ZNF420: variants seen among roughly 807,000 people sequenced by gnomAD.
ZNF420 encodes the protein zinc finger protein 420.
Under a neutral mutation model 44.7 loss-of-function variants are expected in ZNF420, and 31 were observed. The ratio of observed to expected loss-of-function variants is 0.69; its 90% CI spans 0.52 to 0.94. ZNF420 has a LOEUF of 0.94. Among genes scored for constraint, ZNF420 ranks in the 40% least tolerant of loss-of-function variants. The pLI is 0.00. For synonymous variants in ZNF420, 245 were observed against 267.4 expected, an observed-to-expected ratio of 0.92 and a Z score of 0.82; for missense variants, 681 against 827.9, an observed-to-expected ratio of 0.82 and a Z score of 2.18.
chr19:37,024,666 T>G lies in ZNF420; in HGVS notation c.-125+16584T>G, dbSNP rs540884814. On this transcript the variant is annotated intron_variant, in intron 1 of 4. Coordinates refer to the ZNF420 transcript ENST00000587029. Reference sequence around the variant, plus strand: ...GGTTTCACTATGTTGGCTAGGCTGGTCTCGAACTCCTGACCTCAGGTGATC... The same window carrying G: ...GGTTTCACTATGTTGGCTAGGCTGGGCTCGAACTCCTGACCTCAGGTGATC... Among the ~76,000 whole-genome samples, 83 of 152,118 alleles carry G rather than the reference T, an allele frequency of 5.5e-4. 2 individuals carry two copies. The highest frequency in any genetic ancestry group is 3.2e-3 in the Middle Eastern group (1 of 316).
intron 1 of ZNF420, among the ~76,000 whole-genome samples, chr19:37,050,885 G>A (rs1469170281): frequency 6.6e-6 from 1 of 152,150 alleles, no homozygotes; most frequent in African/African-American, 2.4e-5. Context: ...ATTATTTTGA[G>A]ATATGTCCAA....
intron 4 of ZNF420, among the ~76,000 whole-genome samples, chr19:37,113,844 C>T (rs947094898): frequency 2.0e-5 from 3 of 151,988 alleles, no homozygotes; most frequent in African/African-American, 7.3e-5. Context: ...TCTTGTGCCC[C>T]ATCAATCCAC....
chr19:37,024,684 A>T lies in ZNF420; in HGVS notation c.-125+16602A>T, dbSNP rs1308994320. Among the ~76,000 whole-genome samples the T allele has an allele frequency of 4.6e-5, 7 of 152,106 alleles. No homozygotes were observed. The East Asian group carries it at 1.4e-3, about 29-fold the overall frequency. ...AGGCTGGTCTCGAACTCCTGACCTC[A>T]GGTGATCCACCCACCTTGGCCTCCC... is the stretch of plus-strand genomic sequence containing the variant. On this transcript the variant is annotated intron_variant, in intron 1 of 4. Transcript: ENST00000587029.
At chr19:37,009,342 C>T (rs774716468) in intron 1 of ZNF420, among the ~76,000 whole-genome samples, 1 of 152,184 alleles carries the variant, frequency 6.6e-6, no homozygotes, top group Non-Finnish European at 1.5e-5. Flanking sequence ...GTGGCTTGGA[C>T]TTACGCACAG....
intron 2 of ZNF420, among the ~76,000 whole-genome samples, chr19:37,081,700 ATTT>A (rs35066350): frequency 1.5e-5 from 1 of 66,912 alleles, no homozygotes. Context: ...TAATTTTTGT[ATTT>A]TTTTTTTTTT....
intron 4 of ZNF420, among the ~76,000 whole-genome samples, chr19:37,124,660 T>A (rs1023071681): frequency 2.6e-5 from 1 of 38,830 alleles, no homozygotes; most frequent in African/African-American, 1.3e-4. Context: ...GGATAATTGT[T>A]TTTTTTTTCT....
rs770540620 is a variant in ZNF420 at position 37,130,173 on chromosome 19, T to C, written c.*1115T>C. ...AGCTCCGTTACTCTCATGGGGACTT[T>C]GAGAATGGTATCTGGGTGTTATGGA... On this transcript the variant is annotated 3_prime_UTR_variant, in exon 5 of 5. Transcript: ENST00000337995. 1.3e-6 allele frequency: 2 copies of C among 1,550,224 alleles called. No individual in the cohort carries two copies.
intron 4 of ZNF420, among the ~76,000 whole-genome samples, chr19:37,125,829 G>C (rs1295007866): frequency 6.6e-6 from 1 of 152,170 alleles, no homozygotes; most frequent in Non-Finnish European, 1.5e-5. Flanking sequence ...AGATGATTCA[G>C]ACTTCAGACT....
At chr19:37,016,187 G>A (rs1284006705) in intron 1 of ZNF420, among the ~76,000 whole-genome samples, 1 of 152,214 alleles carries the variant, frequency 6.6e-6, no homozygotes, top group African/African-American at 2.4e-5. Context: ...GCCATGGCTG[G>A]CCTTTGCCTT....
intron 4 of ZNF420, among the ~76,000 whole-genome samples, chr19:37,094,165 A>T (rs1277457540): frequency 2.0e-5 from 3 of 152,144 alleles, no homozygotes; most frequent in Non-Finnish European, 4.4e-5. Flanking sequence ...TAACCACTGC[A>T]CTGTGGTATT....
At chr19:37,021,852 G>A (rs1030847220) in intron 1 of ZNF420, among the ~76,000 whole-genome samples, 8 of 145,818 alleles carry the variant, frequency 5.5e-5, no homozygotes, top group African/African-American at 1.8e-4. Context: ...CAGGAGAATC[G>A]CTTGAACCCA....
chr19:37,019,870 T>C (rs1302903033), intron 1 of ZNF420, among the ~76,000 whole-genome samples: 2 of 152,016 alleles, frequency 1.3e-5, no homozygotes, highest in African/African-American at 4.8e-5. Flanking sequence ...GAGATATTTG[T>C]ACACCCACGT....
At chr19:37,058,557 G>C (rs1267556391) in intron 1 of ZNF420, among the ~76,000 whole-genome samples, 1 of 152,098 alleles carries the variant, frequency 6.6e-6, no homozygotes, top group Non-Finnish European at 1.5e-5. Flanking sequence ...GGGTGAGGGT[G>C]GGGTGAACTA....
intron 3 of ZNF420, among the ~76,000 whole-genome samples, chr19:37,090,780 C>T (rs1360769997): frequency 6.6e-6 from 1 of 151,686 alleles, no homozygotes; most frequent in Non-Finnish European, 1.5e-5. Context: ...ATTAACTGGG[C>T]GCAGTGGCAG....
At chr19:37,127,022 C>A in intron 4 of ZNF420, 106 bp from the exon 5 acceptor site, 1 of 967,802 alleles carries the variant, frequency 1.0e-6, no homozygotes, top group Non-Finnish European at 1.4e-6. Flanking sequence ...ATATTTGAAA[C>A]AAACTCATGT....
At chr19:37,033,163 T>G (rs981503591) in intron 1 of ZNF420, among the ~76,000 whole-genome samples, 15 of 152,324 alleles carry the variant, frequency 9.8e-5, no homozygotes, top group Admixed American at 9.8e-4. Flanking sequence ...AAGCTTTTAA[T>G]TTTGAAAAAG....
At chr19:37,093,257 C>G (rs1969257026) in intron 4 of ZNF420, 1 of 152,166 alleles carries the variant, frequency 6.6e-6, no homozygotes, top group African/African-American at 2.4e-5. Flanking sequence ...GAGTCTTGCT[C>G]TGTCGCCCAG....
chr19:37,012,758 ATATGTCTCTG>A (rs1254811811), intron 1 of ZNF420, among the ~76,000 whole-genome samples: 6 of 100,102 alleles, frequency 6.0e-5, no homozygotes, highest in Non-Finnish European at 1.3e-4. Context: ...TGCCACTGCT[ATATGTCTCTG>A]TGTGTGTGTG....
intron 4 of ZNF420, among the ~76,000 whole-genome samples, chr19:37,097,481 T>C (rs1372957074): frequency 6.6e-6 from 1 of 152,188 alleles, no homozygotes; most frequent in African/African-American, 2.4e-5. Flanking sequence ...TGTAGCGGAA[T>C]TTGAAAACAA....
Sources: allele counts gnomAD v4.1 joint callset (sites outside exome capture counted in the v4.1 genomes callset), GRCh38; gene constraint gnomAD v4.1.1; transcripts MANE v1.5; gene names NCBI Gene and HGNC (gene_info 2026-07-23, HGNC 2026-07-21).